Variants in CNTN5 observed in about 807,000 individuals in gnomAD.
The protein encoded by CNTN5 is contactin 5, also known as contactin-5.
A neutral mutation model predicts 129.1 loss-of-function variants in CNTN5; 77 were observed. That is an observed-to-expected ratio of 0.60 (90% CI 0.50 to 0.72). The LOEUF is 0.72. CNTN5 is among the 30% of genes least tolerant of loss of function. The probability of loss-of-function intolerance (pLI) is 0.00; values close to 1 mark genes in which losing one functional copy is unlikely to be tolerated. For missense variants in CNTN5, 1,478 were observed against 1,328.8 expected (o/e 1.11, Z -1.75); for synonymous variants, 509 against 465.6 (o/e 1.09, Z -1.20).
chr11:99,593,009 A>G (rs1241755200), intron 3 of CNTN5, among the ~76,000 whole-genome samples: 1 of 152,226 alleles, frequency 6.6e-6, no homozygotes, highest in Non-Finnish European at 1.5e-5. Flanking sequence ...ATGACAACTC[A>G]TAGAATATGA....
intron 1 of CNTN5, among the ~76,000 whole-genome samples, chr11:99,088,878 C>T (rs959992670): frequency 3.9e-5 from 6 of 152,156 alleles, no homozygotes; most frequent in African/African-American, 1.4e-4. Context: ...TATCAATTCT[C>T]TACTCAATTT....
intron 1 of CNTN5, among the ~76,000 whole-genome samples, chr11:99,071,561 A>G (rs1156411308): frequency 2.0e-5 from 3 of 152,208 alleles, no homozygotes; most frequent in Admixed American, 6.5e-5. Flanking sequence ...AAAAGTTACA[A>G]TTAGTAAAAG....
At chr11:99,998,025 A>G (rs962536261) in intron 8 of CNTN5, among the ~76,000 whole-genome samples, 3 of 152,174 alleles carry the variant, frequency 2.0e-5, no homozygotes, top group Non-Finnish European at 2.9e-5. Flanking sequence ...AGAGCTATCT[A>G]TGACAAACCC....
chr11:99,235,492 T>G (rs1268993430), intron 1 of CNTN5, among the ~76,000 whole-genome samples: 1 of 152,052 alleles, frequency 6.6e-6, no homozygotes, highest in Non-Finnish European at 1.5e-5. Context: ...CCCAGGAAAA[T>G]TAGAGCTATT....
chr11:99,372,343 G>A (rs1471686835), intron 2 of CNTN5, among the ~76,000 whole-genome samples: 2 of 152,112 alleles, frequency 1.3e-5, no homozygotes, highest in Admixed American at 6.6e-5. Context: ...ACAAAAAAAA[G>A]TGGTACCATT....
intron 1 of CNTN5, among the ~76,000 whole-genome samples, chr11:99,240,867 C>G (rs1861512234): frequency 2.0e-5 from 3 of 152,078 alleles, no homozygotes; most frequent in Admixed American, 2.0e-4. Flanking sequence ...CCCGTAAAAC[C>G]AAACACACAG....
chr11:99,131,964 C>T (rs1858961138), intron 1 of CNTN5, among the ~76,000 whole-genome samples: 2 of 152,098 alleles, frequency 1.3e-5, no homozygotes, highest in Admixed American at 1.3e-4. Flanking sequence ...TAACTTCAGG[C>T]CGACATCCCT....
chr11:99,879,963 G>A (rs1266913054), intron 6 of CNTN5, among the ~76,000 whole-genome samples: 1 of 152,102 alleles, frequency 6.6e-6, no homozygotes, highest in Non-Finnish European at 1.5e-5. Context: ...GGACAAAAAT[G>A]TCAACAAAAA....
At chr11:100,049,221 A>G (rs1271522266) in intron 9 of CNTN5, among the ~76,000 whole-genome samples, 1 of 152,088 alleles carries the variant, frequency 6.6e-6, no homozygotes, top group African/African-American at 2.4e-5. Flanking sequence ...TGTAAAGAAA[A>G]AATATAATAA....
chr11:99,948,347 A>C (rs1365295663), intron 7 of CNTN5, among the ~76,000 whole-genome samples: 3 of 152,174 alleles, frequency 2.0e-5, no homozygotes, highest in South Asian at 4.1e-4. Context: ...GTCTCTACCC[A>C]GCAGGCCACA....
chr11:99,768,148 C>G (rs1944819680), intron 3 of CNTN5, among the ~76,000 whole-genome samples: 1 of 152,018 alleles, frequency 6.6e-6, no homozygotes, highest in African/African-American at 2.4e-5. Context: ...AAAAGTTTGT[C>G]AAACCTTGAT....
At chr11:99,902,934 A>T (rs895081133) in intron 6 of CNTN5, among the ~76,000 whole-genome samples, 4 of 152,210 alleles carry the variant, frequency 2.6e-5, no homozygotes, top group African/African-American at 9.6e-5. Context: ...AAGATGTAAG[A>T]TAAGTTGAAA....
intron 9 of CNTN5, among the ~76,000 whole-genome samples, chr11:100,042,172 G>A (rs372929237): frequency 6.6e-6 from 1 of 150,776 alleles, no homozygotes; most frequent in African/African-American, 2.4e-5. Flanking sequence ...AAGTTTTTGT[G>A]TATTATGTAG....
At chr11:99,109,836 A>G (rs1335324677) in intron 1 of CNTN5, among the ~76,000 whole-genome samples, 1 of 152,138 alleles carries the variant, frequency 6.6e-6, no homozygotes, top group Non-Finnish European at 1.5e-5. Flanking sequence ...ATGTGAACAT[A>G]TAGATTAATG....
At chr11:99,931,205 TG>T (rs1463111853) in intron 7 of CNTN5, among the ~76,000 whole-genome samples, 1 of 152,234 alleles carries the variant, frequency 6.6e-6, no homozygotes, top group Non-Finnish European at 1.5e-5. Context: ...AAAAATGTTT[TG>T]TTCTTTTCAT....
intron 3 of CNTN5, among the ~76,000 whole-genome samples, chr11:99,784,354 G>A (rs949308047): frequency 2.0e-5 from 3 of 151,772 alleles, no homozygotes; most frequent in African/African-American, 7.3e-5. Flanking sequence ...CTGTGTCCAT[G>A]TGTTCTCATT....
chr11:99,689,261 C>T (rs966141567), intron 3 of CNTN5, among the ~76,000 whole-genome samples: 3 of 152,008 alleles, frequency 2.0e-5, no homozygotes, highest in East Asian at 1.9e-4. Context: ...GGCGTGGTGG[C>T]TCACGCCTGT....
At chr11:100,286,084 G>A (rs547119015) in intron 18 of CNTN5, among the ~76,000 whole-genome samples, 24 of 152,220 alleles carry the variant, frequency 1.6e-4, no homozygotes, top group African/African-American at 3.4e-4. Flanking sequence ...ATTATATCCC[G>A]CACCTGGCTG....
At chr11:99,549,640 T>C (rs2135518715) in intron 2 of CNTN5, among the ~76,000 whole-genome samples, 1 of 152,242 alleles carries the variant, frequency 6.6e-6, no homozygotes, top group East Asian at 1.9e-4. Flanking sequence ...TCCTTCTTAG[T>C]CATGATATCC....
Sources: gnomAD v4.1 joint callset for allele counts (sites outside exome capture counted in the v4.1 genomes callset) on GRCh38, gnomAD v4.1.1 for gene constraint, MANE v1.5 for transcripts, NCBI Gene and HGNC (gene_info 2026-07-23, HGNC 2026-07-21) for gene names.